WDR41: variants seen among roughly 807,000 people sequenced by gnomAD.
The protein encoded by WDR41 is WD repeat-containing protein 41.
In WDR41, 63 loss-of-function variants were observed where a neutral mutation model predicts 69.3. That is an observed-to-expected ratio of 0.91 (90% CI 0.74 to 1.12). The LOEUF (loss-of-function observed/expected upper bound fraction) is 1.12. Among genes scored for constraint, WDR41 ranks in the 50% most tolerant of loss-of-function variants. The pLI, the probability that WDR41 is intolerant of heterozygous loss-of-function variation, is 0.00. For missense variants in WDR41, 543 were observed against 534.5 expected (o/e 1.02, Z -0.16); for synonymous variants, 185 against 192.1 (o/e 0.96, Z 0.31).
chr5:77,464,921 A>C, intron 2 of WDR41, 112 bp from the exon 3 acceptor site: 1 of 1,048,566 alleles, frequency 9.5e-7, no homozygotes, highest in Non-Finnish European at 1.4e-6. Context: ...AACGAAGATC[A>C]AGTTATTTCA....
At chr5:77,503,098 T>G (rs1185139346) in intron 1 of WDR41, among the ~76,000 whole-genome samples, 2 of 150,186 alleles carry the variant, frequency 1.3e-5, no homozygotes, top group Admixed American at 6.7e-5. Flanking sequence ...GACCCATCAG[T>G]GTGCTATATT....
chr5:77,499,945 G>A (rs1388849125), intron 1 of WDR41, among the ~76,000 whole-genome samples: 7 of 138,838 alleles, frequency 5.0e-5, no homozygotes, highest in African/African-American at 2.0e-4. Flanking sequence ...GCCTAACCTA[G>A]TCAGGTTAAT....
upstream of WDR41, among the ~76,000 whole-genome samples, chr5:77,493,935 G>T (rs1284369839): frequency 6.6e-6 from 1 of 152,068 alleles, no homozygotes; most frequent in Non-Finnish European, 1.5e-5. Flanking sequence ...TTCCTCCCTT[G>T]GTTCCTCTTA....
At chr5:77,472,758 A>G (rs1800687340) in intron 2 of WDR41, among the ~76,000 whole-genome samples, 2 of 152,172 alleles carry the variant, frequency 1.3e-5, no homozygotes, top group Admixed American at 1.3e-4. Flanking sequence ...CCACTGCTCA[A>G]TGAAATAAAA....
chr5:77,526,655 G>A (rs184190131), intron 1 of WDR41, among the ~76,000 whole-genome samples: 3 of 152,000 alleles, frequency 2.0e-5, no homozygotes, highest in African/African-American at 2.4e-5. Flanking sequence ...TATCCTTCCT[G>A]CTTTTTCACC....
At chr5:77,536,554 G>A (rs1012578037) in intron 1 of WDR41, among the ~76,000 whole-genome samples, 6 of 152,180 alleles carry the variant, frequency 3.9e-5, no homozygotes, top group Non-Finnish European at 8.8e-5. Context: ...GTTAAGTACA[G>A]TCATGCACCA....
chr5:77,575,869 T>C (rs1743821577), intron 1 of WDR41, among the ~76,000 whole-genome samples: 1 of 152,074 alleles, frequency 6.6e-6, no homozygotes, highest in Non-Finnish European at 1.5e-5. Context: ...TTCCTATAGT[T>C]GAACAAAAAG....
chr5:77,581,838 A>G (rs544906922), intron 1 of WDR41, among the ~76,000 whole-genome samples: 1 of 152,334 alleles, frequency 6.6e-6, no homozygotes, highest in Admixed American at 6.5e-5. Context: ...TATGGGATGC[A>G]GCTAAAGCAG....
chr5:77,472,359 G>A (rs1355435652), intron 2 of WDR41, among the ~76,000 whole-genome samples: 1 of 151,606 alleles, frequency 6.6e-6, no homozygotes, highest in Non-Finnish European at 1.5e-5. Flanking sequence ...TTTGAAAACT[G>A]GCACAAGACA....
chr5:77,612,188 T>C lies in WDR41; in HGVS notation c.42+8291A>G, dbSNP rs533062514. Among the ~76,000 whole-genome samples, 29 of 152,300 alleles carry C rather than the reference T, an allele frequency of 1.9e-4. No individual in the cohort carries two copies. The South Asian group carries it at 4.8e-3, about 25-fold the overall frequency. The stretch of plus-strand genomic sequence containing the variant: ...CAAAAAGAGTCCAGGACCAGATGGA[T>C]TGACAGCCAAATTCTACCAGAGGTA... On this transcript the variant is annotated intron_variant, in intron 1 of 5. Coordinates refer to the WDR41 transcript ENST00000509971.
At chr5:77,541,862 C>A (rs754385491) in intron 1 of WDR41, among the ~76,000 whole-genome samples, 2 of 152,152 alleles carry the variant, frequency 1.3e-5, no homozygotes, top group South Asian at 2.1e-4. Flanking sequence ...GACAGTATGG[C>A]AATTCCTCAA....
intron 1 of WDR41, among the ~76,000 whole-genome samples, chr5:77,543,157 G>A (rs1743123788): frequency 6.6e-6 from 1 of 152,144 alleles, no homozygotes; most frequent in African/African-American, 2.4e-5. Context: ...CTGAATAACA[G>A]CCTTCAGCCC....
At chr5:77,540,905 TG>T (rs1484153014) in intron 1 of WDR41, among the ~76,000 whole-genome samples, 1 of 152,152 alleles carries the variant, frequency 6.6e-6, no homozygotes, top group African/African-American at 2.4e-5. Context: ...TGTTTCAAAT[TG>T]GCAGAGGAAA....
chr5:77,492,259 C>G lies in WDR41; in HGVS notation c.-39G>C. The G allele has an allele frequency of 6.2e-7, 1 of 1,610,344 alleles. No homozygotes were observed. Among genetic ancestry groups the G allele is most frequent in the Non-Finnish European group, 8.5e-7 (1 of 1,178,840 alleles). ...GCGTCTTGCCCGGTCCAGCCCCAGT[C>G]AGCCCAAACTCCGCCCCAGGCTCGG... On this transcript the variant is annotated 5_prime_UTR_variant, in exon 1 of 13. Transcript: ENST00000296679.
intron 8 of WDR41, among the ~76,000 whole-genome samples, chr5:77,446,452 G>C (rs1799384029): frequency 1.3e-5 from 2 of 152,040 alleles, no homozygotes; most frequent in African/African-American, 4.8e-5. Context: ...AATCAAAGAA[G>C]ACCCCGTATA....
At chr5:77,541,564 C>G (rs1025050596) in intron 1 of WDR41, among the ~76,000 whole-genome samples, 1 of 140,310 alleles carries the variant, frequency 7.1e-6, no homozygotes, top group Non-Finnish European at 1.5e-5. Flanking sequence ...GCGATCTTGG[C>G]TCACTGCAAC....
intron 1 of WDR41, among the ~76,000 whole-genome samples, chr5:77,589,644 T>C (rs1744101143): frequency 6.6e-6 from 1 of 152,206 alleles, no homozygotes; most frequent in Non-Finnish European, 1.5e-5. Context: ...AATTATCATT[T>C]TAAAATTCTT....
chr5:77,481,610 C>T (rs1430792139), intron 2 of WDR41, among the ~76,000 whole-genome samples: 1 of 151,856 alleles, frequency 6.6e-6, no homozygotes, highest in Non-Finnish European at 1.5e-5. Flanking sequence ...TATGGTGAAA[C>T]CCTGTCTCTA....
At chr5:77,566,393 C>A (rs1209009031) in intron 1 of WDR41, among the ~76,000 whole-genome samples, 2 of 152,090 alleles carry the variant, frequency 1.3e-5, no homozygotes, top group Non-Finnish European at 1.5e-5. Context: ...TACTACATAA[C>A]CTTTTAGATA....
Sources: gnomAD v4.1 joint callset for allele counts (sites outside exome capture counted in the v4.1 genomes callset) on GRCh38, gnomAD v4.1.1 for gene constraint, MANE v1.5 for transcripts, NCBI Gene and HGNC (gene_info 2026-07-23, HGNC 2026-07-21) for gene names.